Variants in GRID2 observed in about 807,000 individuals in gnomAD.
GRID2 encodes glutamate receptor ionotropic, delta-2.
A neutral mutation model predicts 114.8 loss-of-function variants in GRID2; 33 were observed. The ratio of observed to expected loss-of-function variants is 0.29; its 90% CI spans 0.22 to 0.38. The LOEUF (loss-of-function observed/expected upper bound fraction) is 0.38, where lower values mean the gene tolerates loss of function less well. Ranked by LOEUF, GRID2 falls within the 10% of genes least tolerant of loss-of-function variation. GRID2 has a pLI of 1.00. For missense variants in GRID2, 1,184 were observed against 1,257.7 expected (o/e 0.94, Z 0.89); for synonymous variants, 505 against 449.9 (o/e 1.12, Z -1.55).
chr4:92,582,128 A>G (rs767833399), intron 1 of GRID2, among the ~76,000 whole-genome samples: 1 of 152,024 alleles, frequency 6.6e-6, no homozygotes, highest in Non-Finnish European at 1.5e-5. Flanking sequence ...CCTGGCCACA[A>G]TTTGAATATT....
At chr4:92,854,297 C>G (rs1744027758) in intron 2 of GRID2, among the ~76,000 whole-genome samples, 1 of 152,008 alleles carries the variant, frequency 6.6e-6, no homozygotes, top group Non-Finnish European at 1.5e-5. Flanking sequence ...CAATAGAAGA[C>G]TTATTACTAC....
chr4:93,661,899 G>A (rs1723531903), intron 14 of GRID2, among the ~76,000 whole-genome samples: 1 of 152,132 alleles, frequency 6.6e-6, no homozygotes, highest in South Asian at 2.1e-4. Flanking sequence ...GAGCTCTTCT[G>A]TGACTTTCCC....
intron 4 of GRID2, among the ~76,000 whole-genome samples, chr4:93,179,058 G>A (rs189652681): frequency 6.6e-6 from 1 of 152,250 alleles, no homozygotes; most frequent in East Asian, 1.9e-4. Flanking sequence ...AGAGCAGGGA[G>A]ATGGGTTTAG....
At chr4:92,668,820 C>T (rs1732912111) in intron 2 of GRID2, among the ~76,000 whole-genome samples, 2 of 151,894 alleles carry the variant, frequency 1.3e-5, no homozygotes, top group Non-Finnish European at 2.9e-5. Flanking sequence ...ATATTATAGT[C>T]CCCTTGCCAA....
At chr4:92,411,649 G>GTATATATATATATATATATATA (rs1320090236) in intron 1 of GRID2, among the ~76,000 whole-genome samples, 81 of 94,716 alleles carry the variant, frequency 8.6e-4, no homozygotes, top group Non-Finnish European at 1.3e-3. Flanking sequence ...GTGTGTGTGT[G>GTATATATATATATATATATATA]TGTGTGTATA....
At chr4:93,444,187 A>G (rs1721881266) in intron 10 of GRID2, among the ~76,000 whole-genome samples, 2 of 152,002 alleles carry the variant, frequency 1.3e-5, no homozygotes, top group South Asian at 2.1e-4. Flanking sequence ...TTCAGTATAT[A>G]TAATCAGGCT....
At chr4:93,795,984 C>T (rs563515674) in intron 1 of GRID2, among the ~76,000 whole-genome samples, 16 of 152,288 alleles carry the variant, frequency 1.1e-4, no homozygotes, top group African/African-American at 3.4e-4. Flanking sequence ...GAGTTCTCTT[C>T]CAAGTTCACA....
intron 2 of GRID2, among the ~76,000 whole-genome samples, chr4:92,921,981 T>C (rs184115313): frequency 6.6e-6 from 1 of 152,124 alleles, no homozygotes; most frequent in Non-Finnish European, 1.5e-5. Flanking sequence ...TCCTTGAGCT[T>C]TGGTGGGCTC....
intron 13 of GRID2, among the ~76,000 whole-genome samples, chr4:93,557,708 G>T (rs556649727): frequency 6.6e-6 from 1 of 152,272 alleles, no homozygotes; most frequent in Non-Finnish European, 1.5e-5. Flanking sequence ...GGATATTTAG[G>T]ACTTGAAGTC....
rs145239902 is a variant in GRID2, at chr4:92,630,980, C to A, written c.244+40694C>A. ...TATTCCAGGAAGGAACTATTTCCTT[C>A]TTTTTTTATAGTGAGTATTAATGAG... is the stretch of plus-strand genomic sequence containing the variant. On this transcript the variant is annotated intron_variant, in intron 2 of 15. Transcript: ENST00000282020. Among the ~76,000 whole-genome samples the A allele has an allele frequency of 8.1e-3, 1,221 of 150,564 alleles. 20 individuals are homozygous for A. Among genetic ancestry groups the A allele is most frequent in the African/African-American group, 0.029 (1,177 of 40,968 alleles).
At position 93,102,773 on chromosome 4, in the gene GRID2, C is replaced by A. The variant is rs534061737; in HGVS notation, c.530-7975C>A. The stretch of plus-strand genomic sequence containing the variant: ...ATCAACTACTTAGCCACCAGTATAA[C>A]CCTGTTAACTTAGAACTATGATTCT... On this transcript the variant is annotated intron_variant, in intron 3 of 15. Transcript: ENST00000282020. Among the ~76,000 whole-genome samples the A allele has an allele frequency of 3.3e-5, 5 of 150,778 alleles. No individual in the cohort carries two copies. In the East Asian group the frequency reaches 1.0e-3, roughly 30 times the overall value.
chr4:93,058,930 A>G (rs1727519853), intron 2 of GRID2, among the ~76,000 whole-genome samples: 1 of 152,078 alleles, frequency 6.6e-6, no homozygotes, highest in South Asian at 2.1e-4. Context: ...TCAGAATGCT[A>G]GTAATACTTC....
chr4:93,702,785 T>C (rs1173300994), intron 14 of GRID2, among the ~76,000 whole-genome samples: 1 of 152,164 alleles, frequency 6.6e-6, no homozygotes, highest in Non-Finnish European at 1.5e-5. Flanking sequence ...AGGGGATGTA[T>C]AGCAGTAAAC....
chr4:93,116,628 A>G (rs550288416), intron 4 of GRID2, among the ~76,000 whole-genome samples: 2 of 152,072 alleles, frequency 1.3e-5, no homozygotes, highest in Non-Finnish European at 2.9e-5. Flanking sequence ...TTTCTGGTGC[A>G]TCCTTAAAAT....
At chr4:93,574,587 CT>C (rs2149585029) in intron 13 of GRID2, among the ~76,000 whole-genome samples, 1 of 152,198 alleles carries the variant, frequency 6.6e-6, no homozygotes, top group African/African-American at 2.4e-5. Context: ...GGGAACTCCT[CT>C]TTTTAAAACC....
chr4:92,456,065 T>G (rs886525174), intron 1 of GRID2, among the ~76,000 whole-genome samples: 2 of 152,148 alleles, frequency 1.3e-5, no homozygotes, highest in Non-Finnish European at 2.9e-5. Context: ...CTTTCCAAGT[T>G]GCTAAATTAT....
intron 2 of GRID2, among the ~76,000 whole-genome samples, chr4:92,994,599 C>T (rs1755090557): frequency 6.6e-6 from 1 of 152,140 alleles, no homozygotes; most frequent in African/African-American, 2.4e-5. Context: ...GCTGAGATTA[C>T]AGGCATGAGC....
At chr4:93,077,459 GTCAT>G (rs1729439160) in intron 2 of GRID2, among the ~76,000 whole-genome samples, 1 of 152,000 alleles carries the variant, frequency 6.6e-6, no homozygotes, top group South Asian at 2.1e-4. Flanking sequence ...TAAATATTCT[GTCAT>G]TCATCCAGAA....
At chr4:92,656,446 T>G (rs2149265807) in intron 2 of GRID2, among the ~76,000 whole-genome samples, 1 of 151,322 alleles carries the variant, frequency 6.6e-6, no homozygotes, top group African/African-American at 2.4e-5. Context: ...AGCAAGTTCC[T>G]TACCTAGCCA....
Sources: gnomAD v4.1 joint callset for allele counts (sites outside exome capture counted in the v4.1 genomes callset) on GRCh38, gnomAD v4.1.1 for gene constraint, MANE v1.5 for transcripts, NCBI Gene and HGNC (gene_info 2026-07-23, HGNC 2026-07-21) for gene names.